NR5A2: variants seen among roughly 807,000 people sequenced by gnomAD.
NR5A2 encodes the protein nuclear receptor subfamily 5 group A member 2.
NR5A2 carries 26 observed loss-of-function variants against 62.7 expected under a neutral mutation model. The observed-to-expected ratio is 0.41, with a 90% CI of 0.30 to 0.58. The LOEUF (loss-of-function observed/expected upper bound fraction) is 0.58, where lower values mean the gene tolerates loss of function less well. Ranked by LOEUF, NR5A2 falls within the 20% of genes least tolerant of loss-of-function variation. The pLI is 0.22. For missense variants in NR5A2, 541 were observed against 669.1 expected, an observed-to-expected ratio of 0.81 and a Z score of 2.11; for synonymous variants, 246 against 241.7, an observed-to-expected ratio of 1.02 and a Z score of -0.16.
rs896203513 is a variant in NR5A2, at chr1:200,147,570, G to C, written c.1379-26393G>C. The C allele has an allele frequency of 1.1e-5, 8 of 702,826 alleles. No individual in the cohort carries two copies. The African/African-American group carries it at 1.2e-4, about 11-fold the overall frequency. The allele number at this position is 702,826 out of a possible 1,614,324, so 43.5% of individuals were successfully genotyped here. A position where few individuals can be genotyped will look rare whatever the true frequency, so the allele number is the denominator to read the frequency against. Reference sequence around the variant, plus strand: ...GTTTCTCCATTGGTGTGCTTAAAGCGATCTCCTCTACACGAACGCTAGGGC... The same window carrying C: ...GTTTCTCCATTGGTGTGCTTAAAGCCATCTCCTCTACACGAACGCTAGGGC... On this transcript the variant is annotated intron_variant, in intron 7 of 7. Coordinates refer to ENST00000367362, the MANE Select transcript of NR5A2 (RefSeq NM_205860.3). The surrounding 1 kb of genome is among the most constrained non-coding windows in gnomAD (Gnocchi z 4.9).
At chr1:200,037,207 A>G (rs747250529) in intron 1 of NR5A2, among the ~76,000 whole-genome samples, 6 of 152,214 alleles carry the variant, frequency 3.9e-5, no homozygotes, top group Non-Finnish European at 7.3e-5. Context: ...GGTCAGCCTC[A>G]GCCTCAGGTT....
At chr1:200,115,724 GT>G (rs753364796) in intron 6 of NR5A2, among the ~76,000 whole-genome samples, 1 of 151,988 alleles carries the variant, frequency 6.6e-6, no homozygotes, top group Non-Finnish European at 1.5e-5. Context: ...ATTACACAGG[GT>G]CAGAGAAAGT....
chr1:200,122,504 TA>T (rs779114630), intron 7 of NR5A2, among the ~76,000 whole-genome samples: 2 of 152,246 alleles, frequency 1.3e-5, no homozygotes, highest in Non-Finnish European at 1.5e-5. Context: ...GAGCCATCTT[TA>T]GTTTTCAGCA....
At chr1:200,079,572 T>C (rs752516205) in intron 5 of NR5A2, among the ~76,000 whole-genome samples, 5 of 152,214 alleles carry the variant, frequency 3.3e-5, no homozygotes, top group Admixed American at 6.5e-5. Flanking sequence ...AGATATATTA[T>C]TTCATTTGAG....
chr1:200,147,802 G>A lies in NR5A2; in HGVS notation c.1379-26161G>A, dbSNP rs545909265. The A allele has an allele frequency of 3.3e-4, 162 of 484,494 alleles. No homozygotes were observed. Among genetic ancestry groups the A allele is most frequent in the African/African-American group, 2.8e-3 (141 of 49,964 alleles). 30.0% of individuals were successfully genotyped at this position (484,494 alleles called of 1,614,324 possible). A position where few individuals can be genotyped will look rare whatever the true frequency, so the allele number is the denominator to read the frequency against. The stretch of plus-strand genomic sequence containing the variant: ...GATGCCGGCACGGTGGGCAGCCGCC[G>A]TGGCGTCCAGCACCAGGTCCTGGCT... On this transcript the variant is annotated intron_variant, in intron 7 of 7. Coordinates refer to ENST00000367362, the MANE Select transcript of NR5A2 (RefSeq NM_205860.3). This position sits in a 1 kb window ranked among gnomAD's most constrained non-coding sequence, Gnocchi z 4.9.
chr1:200,070,820 T>C (rs1014892335), intron 5 of NR5A2, among the ~76,000 whole-genome samples: 2 of 148,142 alleles, frequency 1.4e-5, no homozygotes, highest in African/African-American at 4.9e-5. Flanking sequence ...GCTTTTGCTC[T>C]GTGTCAATGT....
chr1:200,138,248 A>T, intron 7 of NR5A2, among the ~76,000 whole-genome samples: 1 of 152,208 alleles, frequency 6.6e-6, no homozygotes. Context: ...AACTCTAGAA[A>T]CTGTCAAAGT....
chr1:200,039,192 G>A lies in NR5A2; in HGVS notation c.65-466G>A, dbSNP rs544113744. Among the ~76,000 whole-genome samples the A allele has an allele frequency of 9.9e-5, 15 of 152,278 alleles. No individual in the cohort carries two copies. The South Asian group carries it at 3.1e-3, about 32-fold the overall frequency. On this transcript the variant is annotated intron_variant, in intron 1 of 7. Transcript: ENST00000367362. The surrounding 1 kb of genome is among the most constrained non-coding windows in gnomAD (Gnocchi z 5.1). ...GGGGCGGAGAGGAGGGGAGAGAGAA[G>A]GGAGGCGAGAGAAAGAGGAGAGAGA...
intron 5 of NR5A2, among the ~76,000 whole-genome samples, chr1:200,104,787 C>T (rs897498964): frequency 2.0e-5 from 3 of 152,098 alleles, no homozygotes; most frequent in African/African-American, 4.8e-5. Context: ...CTCAGCCTCC[C>T]GAGTAGCTGG....
chr1:200,043,099 TTTTTCCTTCTTTTTATTTTC>T, intron 2 of NR5A2: 2 of 674,888 alleles, frequency 3.0e-6, no homozygotes, highest in Non-Finnish European at 3.7e-6. Context: ...CTCTATTTTC[TTTTTCCTTCTTTTTATTTTC>T]ACAGATTTTC....
chr1:200,094,206 A>G (rs1472505259), intron 5 of NR5A2, among the ~76,000 whole-genome samples: 2 of 148,982 alleles, frequency 1.3e-5, no homozygotes, highest in South Asian at 2.1e-4. Flanking sequence ...TTTTTTGGAG[A>G]CAGAGTGTTG....
intron 5 of NR5A2, among the ~76,000 whole-genome samples, chr1:200,073,322 TTA>T (rs144911451): frequency 0.022 from 816 of 36,552 alleles, 57 homozygotes; most frequent in African/African-American, 0.071. Context: ...ATATTCCCCT[TTA>T]TATATATATA....
At chr1:200,089,558 C>T (rs1664719811) in intron 5 of NR5A2, among the ~76,000 whole-genome samples, 1 of 152,222 alleles carries the variant, frequency 6.6e-6, no homozygotes, top group African/African-American at 2.4e-5. Flanking sequence ...GCAGCCTGCG[C>T]CCCCAGGTTC....
At chr1:200,135,275 C>T (rs1326378669) in intron 7 of NR5A2, among the ~76,000 whole-genome samples, 1 of 152,180 alleles carries the variant, frequency 6.6e-6, no homozygotes, top group Non-Finnish European at 1.5e-5. Flanking sequence ...AATCCCAGCA[C>T]TTTGGGAGGC....
chr1:200,102,971 G>C (rs574145981), intron 5 of NR5A2, among the ~76,000 whole-genome samples: 2 of 152,202 alleles, frequency 1.3e-5, no homozygotes, highest in African/African-American at 4.8e-5. Context: ...GAACTCTTCA[G>C]ATATTGGCTC....
At chr1:200,141,935 A>AT (rs1267789361) in intron 7 of NR5A2, among the ~76,000 whole-genome samples, 1 of 152,180 alleles carries the variant, frequency 6.6e-6, no homozygotes, top group Non-Finnish European at 1.5e-5. Context: ...GGAAGTGCAC[A>AT]TCCAATTAGA....
intron 7 of NR5A2, among the ~76,000 whole-genome samples, chr1:200,146,854 TTTAC>T (rs1667722230): frequency 6.6e-6 from 1 of 152,162 alleles, no homozygotes; most frequent in South Asian, 2.1e-4. Flanking sequence ...TACATAATAA[TTTAC>T]TTATCAAAAA....
Position 200,174,750 on chromosome 1 carries a change from T to C in NR5A2, c.*540T>C, listed in dbSNP as rs1317042043. 1 of 152,674 alleles carries C rather than the reference T, an allele frequency of 6.5e-6. No individual in the cohort carries two copies. Among genetic ancestry groups the C allele is most frequent in the Non-Finnish European group, 1.5e-5 (1 of 68,092 alleles). 9.5% of individuals were successfully genotyped at this position (152,674 alleles called of 1,614,324 possible). On this transcript the variant is annotated 3_prime_UTR_variant, in exon 8 of 8. Coordinates refer to ENST00000367362, the MANE Select transcript of NR5A2 (RefSeq NM_205860.3). ...TGCCCTGTGGTCACCGAATCTGTACTAAGGACCTGTGTTCAGCCACACCCA... is the reference window on the plus strand; with the variant it reads ...TGCCCTGTGGTCACCGAATCTGTACCAAGGACCTGTGTTCAGCCACACCCA...
At chr1:200,040,969 C>T (rs930730256) in intron 2 of NR5A2, among the ~76,000 whole-genome samples, 1 of 152,222 alleles carries the variant, frequency 6.6e-6, no homozygotes, top group African/African-American at 2.4e-5. Context: ...AGAGCTGAAG[C>T]CCCGGAGGCT....
Sources: gnomAD v4.1 joint callset for allele counts (sites outside exome capture counted in the v4.1 genomes callset) on GRCh38, gnomAD v4.1.1 for gene constraint, Gnocchi (gnomAD v3.1) non-coding constraint, MANE v1.5 for transcripts, NCBI Gene and HGNC (gene_info 2026-07-23, HGNC 2026-07-21) for gene names.